The following SND1 variants were observed in gnomAD, a reference collection of about 807,000 sequenced individuals.
The protein encoded by SND1 is staphylococcal nuclease domain-containing protein 1.
In SND1, 38 loss-of-function variants were observed where a neutral mutation model predicts 121.7. That is an observed-to-expected ratio of 0.31 (90% CI 0.24 to 0.41). The LOEUF (loss-of-function observed/expected upper bound fraction) is 0.41. Among genes scored for constraint, SND1 ranks in the 10% least tolerant of loss-of-function variants. The pLI is 1.00. For missense variants in SND1, 868 were observed against 1,184.6 expected, an observed-to-expected ratio of 0.73 and a Z score of 3.92; for synonymous variants, 401 against 447.4, an observed-to-expected ratio of 0.90 and a Z score of 1.31.
At position 127,701,155 on chromosome 7, in the gene SND1, T is replaced by C; in HGVS notation, c.429-8T>C. ...ACTAACCACTCTTGTTTATTTTTTA[T>C]GTCCCAGTCCTGAGCAGAACCGGCT... On this transcript the variant is annotated splice_region_variant and splice_polypyrimidine_tract_variant and intron_variant, in intron 4 of 23. Coordinates refer to ENST00000354725, the MANE Select transcript of SND1 (RefSeq NM_014390.4). The C allele has an allele frequency of 6.2e-7, 1 of 1,612,596 alleles. No homozygotes were observed. The highest frequency in any genetic ancestry group is 8.5e-7 in the Non-Finnish European group (1 of 1,179,520).
intron 10 of SND1, among the ~76,000 whole-genome samples, chr7:127,743,536 C>G (rs1033002739): frequency 6.6e-6 from 1 of 152,208 alleles, no homozygotes; most frequent in Non-Finnish European, 1.5e-5. Flanking sequence ...CTCTTCCCTC[C>G]TCTGTCCTCA....
chr7:127,807,462 T>C, intron 10 of SND1, 22 bp from the exon 11 acceptor site: 1 of 1,575,454 alleles, frequency 6.3e-7, no homozygotes, highest in Non-Finnish European at 8.7e-7. Flanking sequence ...ATTCCTGATG[T>C]CATGTTTTAT....
At chr7:127,865,781 CTT>C (rs111595150) in intron 12 of SND1, among the ~76,000 whole-genome samples, 4 of 142,066 alleles carry the variant, frequency 2.8e-5, no homozygotes, top group Admixed American at 7.1e-5. Context: ...ATTTATTTAT[CTT>C]TTTTTTTTTT....
intron 16 of SND1, among the ~76,000 whole-genome samples, chr7:128,023,340 A>T (rs1803400734): frequency 6.6e-6 from 1 of 152,014 alleles, no homozygotes; most frequent in African/African-American, 2.4e-5. Flanking sequence ...GTCAGGGAGG[A>T]TTTCATCACT....
At chr7:127,718,439 C>A in intron 9 of SND1, 1 of 309,518 alleles carries the variant, frequency 3.2e-6, no homozygotes, top group Non-Finnish European at 4.7e-6. Context: ...AGTAATGACA[C>A]AATTTACAGA....
intron 15 of SND1, among the ~76,000 whole-genome samples, chr7:127,934,880 C>A (rs1584677834): frequency 6.6e-6 from 1 of 152,106 alleles, no homozygotes; most frequent in African/African-American, 2.4e-5. Context: ...AGTAAGCACC[C>A]TGGAAGACAC....
chr7:127,887,275 G>A lies in SND1; in HGVS notation c.1344-627G>A, dbSNP rs1799928321. Among the ~76,000 whole-genome samples the A allele has an allele frequency of 2.0e-5, 3 of 152,054 alleles. No individual in the cohort carries two copies. In the South Asian group the frequency reaches 6.2e-4, roughly 32 times the overall value. On this transcript the variant is annotated intron_variant, in intron 12 of 23. Transcript: ENST00000354725. ...GCCTCCCAAAGTGTTGGGATCATAG[G>A]CATGAGCCACAGCACAAAGAATTTC...
chr7:128,017,618 G>A (rs1174856322), intron 16 of SND1, among the ~76,000 whole-genome samples: 1 of 152,202 alleles, frequency 6.6e-6, no homozygotes, highest in Non-Finnish European at 1.5e-5. Flanking sequence ...TGCCACACCT[G>A]ATCCCATCTC....
rs1242005185 is a variant in SND1, at chr7:128,084,994, G to T, written c.2234+147G>T. 4 of 768,946 alleles carry T rather than the reference G, an allele frequency of 5.2e-6. No homozygotes were observed. In the East Asian group the frequency reaches 1.2e-4, roughly 24 times the overall value. The allele number at this position is 768,946 out of a possible 1,614,324, so 47.6% of individuals were successfully genotyped here. A position where few individuals can be genotyped will look rare whatever the true frequency, so the allele number is the denominator to read the frequency against. On this transcript the variant is annotated intron_variant, in intron 19 of 23. Transcript: ENST00000354725. ...GCTCTCCTGGGTGTCCCTCTTCATTGCCCACAGCCCATCTGGGGCCTTGCT... is the reference window on the plus strand; with the variant it reads ...GCTCTCCTGGGTGTCCCTCTTCATTTCCCACAGCCCATCTGGGGCCTTGCT...
chr7:127,821,420 T>C (rs1798545743), intron 11 of SND1, among the ~76,000 whole-genome samples: 1 of 152,162 alleles, frequency 6.6e-6, no homozygotes, highest in African/African-American at 2.4e-5. Flanking sequence ...CACCTTTGGA[T>C]TGGATTGTTT....
rs1440795056 is a variant in SND1 at position 128,086,924 on chromosome 7, T to C, written c.2305-14T>C. 1.2e-6 allele frequency: 2 copies of C among 1,604,314 alleles called. No homozygotes were observed. The highest frequency in any genetic ancestry group is 1.7e-5 in the Admixed American group (1 of 60,020). ...GCGAGTATGTGACATGTTGGCCTGC[T>C]GCTTCCTCTGCAGAGAGAGGTCCTG... On this transcript the variant is annotated splice_polypyrimidine_tract_variant and intron_variant, in intron 20 of 23. Coordinates refer to ENST00000354725, the MANE Select transcript of SND1 (RefSeq NM_014390.4).
chr7:127,848,183 ACTTAAACAATG>A (rs1452668564), intron 12 of SND1, among the ~76,000 whole-genome samples: 3 of 152,334 alleles, frequency 2.0e-5, no homozygotes, highest in South Asian at 4.2e-4. Context: ...CTGCAAGACA[ACTTAAACAATG>A]CTTAAACAAT....
At position 128,015,102 on chromosome 7, in the gene SND1, G is replaced by C. The variant is rs1195126721; in HGVS notation, c.1779+24046G>C. 6.6e-6 allele frequency among the ~76,000 whole-genome samples: 1 copy of C among 152,150 alleles called. No individual in the cohort carries two copies. The highest frequency in any genetic ancestry group is 2.1e-4 in the South Asian group (1 of 4,822). The stretch of plus-strand genomic sequence containing the variant: ...CATCAGCAGCTGCACCTCCTCCCTC[G>C]CGCCTTCTGTCTGAGCCAACCTTGA... On this transcript the variant is annotated intron_variant, in intron 16 of 23. Transcript: ENST00000354725. The surrounding 1 kb of genome is among the most constrained non-coding windows in gnomAD (Gnocchi z 4.5).
At chr7:127,688,011 A>G (rs886166765) in intron 2 of SND1, among the ~76,000 whole-genome samples, 4 of 152,092 alleles carry the variant, frequency 2.6e-5, no homozygotes, top group African/African-American at 9.7e-5. Context: ...TCTGGGATCC[A>G]TGCACCTCTG....
At chr7:127,872,630 A>G (rs553552153) in intron 12 of SND1, among the ~76,000 whole-genome samples, 51 of 21,814 alleles carry the variant, frequency 2.3e-3, no homozygotes, top group African/African-American at 4.4e-3. Flanking sequence ...ACACACACGC[A>G]CACACACACA....
chr7:128,004,485 T>G (rs1015961908), intron 16 of SND1, among the ~76,000 whole-genome samples: 1 of 152,214 alleles, frequency 6.6e-6, no homozygotes, highest in Non-Finnish European at 1.5e-5. Context: ...GATCTGACCA[T>G]GATGTTCCCC....
At chr7:127,905,803 G>A (rs760037728) in intron 14 of SND1, among the ~76,000 whole-genome samples, 1 of 152,206 alleles carries the variant, frequency 6.6e-6, no homozygotes, top group Non-Finnish European at 1.5e-5. Context: ...GAAGCCCAGG[G>A]TAGATGGAAG....
At chr7:128,078,299 G>A (rs1793541057) in intron 17 of SND1, among the ~76,000 whole-genome samples, 1 of 152,248 alleles carries the variant, frequency 6.6e-6, no homozygotes, top group Admixed American at 6.5e-5. Flanking sequence ...GGGAAAGAGG[G>A]AACCGTCATG....
At chr7:127,743,722 G>A (rs1247621385) in intron 10 of SND1, among the ~76,000 whole-genome samples, 2 of 152,182 alleles carry the variant, frequency 1.3e-5, no homozygotes, top group Non-Finnish European at 2.9e-5. Flanking sequence ...GAAGAAAGTG[G>A]TTGTGTGTAT....
Sources: allele counts gnomAD v4.1 joint callset (sites outside exome capture counted in the v4.1 genomes callset), GRCh38; gene constraint gnomAD v4.1.1; non-coding constraint Gnocchi (gnomAD v3.1); transcripts MANE v1.5; gene names NCBI Gene and HGNC (gene_info 2026-07-23, HGNC 2026-07-21).